Variants in POLN observed in about 807,000 individuals in gnomAD.
POLN encodes the protein DNA polymerase nu, also known as DNA polymerase N.
Under a neutral mutation model 113.5 loss-of-function variants are expected in POLN, and 108 were observed. The observed-to-expected ratio is 0.95, with a 90% CI of 0.81 to 1.12. The LOEUF is 1.12. Among genes scored for constraint, POLN ranks in the 50% most tolerant of loss-of-function variants. The probability of loss-of-function intolerance (pLI) is 0.00; values close to 1 mark genes in which losing one functional copy is unlikely to be tolerated. For missense variants in POLN, 1,097 were observed against 1,077.1 expected, an observed-to-expected ratio of 1.02 and a Z score of -0.26; for synonymous variants, 386 against 391.5, an observed-to-expected ratio of 0.99 and a Z score of 0.17.
chr4:2,095,856 C>T lies in POLN; in HGVS notation c.2060G>A (p.Gly687Glu). Residue 687 changes from glycine to glutamate, a missense_variant, in exon 20 of 26, where the codon GGA becomes GAA. Transcript: ENST00000511885. ...TKKVVYAVVYGAGKERLAACL... is the reference protein window; with the variant it reads ...TKKVVYAVVYEAGKERLAACL... ...GCTCCCGGCCCGCAGCCTACCTGCT[C>T]CATAGACCACCGCGTACACCACCTT... 6.2e-7 allele frequency: 1 copy of T among 1,613,982 alleles called. No homozygotes were observed. The highest frequency in any genetic ancestry group is 1.1e-5 in the South Asian group (1 of 91,060).
At chr4:2,107,429 T>A (rs1001627573) in intron 19 of POLN, among the ~76,000 whole-genome samples, 5 of 152,230 alleles carry the variant, frequency 3.3e-5, no homozygotes, top group Admixed American at 3.3e-4. Flanking sequence ...GTGATCTTGC[T>A]GTTGTTTGTT....
At chr4:2,222,695 CTTT>C (rs1314577025) in intron 3 of POLN, among the ~76,000 whole-genome samples, 1 of 129,380 alleles carries the variant, frequency 7.7e-6, no homozygotes. Context: ...CACCCACGGC[CTTT>C]TTTTTTTTTT....
chr4:2,079,619 C>T (rs2108688459), intron 23 of POLN: 2 of 984,994 alleles, frequency 2.0e-6, no homozygotes, highest in African/African-American at 3.5e-5. Context: ...CAGAGTCTTG[C>T]TCTCACCCAG....
At position 2,078,630 on chromosome 4, in the gene POLN, C is replaced by T. The variant is rs148672920; in HGVS notation, c.2387+2328G>A. 1.2e-5 allele frequency: 12 copies of T among 985,498 alleles called. No individual in the cohort carries two copies. The African/African-American group carries it at 2.1e-4, about 17-fold the overall frequency. 61.0% of individuals were successfully genotyped at this position (985,498 alleles called of 1,614,324 possible). A position where few individuals can be genotyped will look rare whatever the true frequency, so the allele number is the denominator to read the frequency against. ...GATGCCTGGCCACACTGAGCCTGCA[C>T]CCGTCCCTTCCAGACGCCATCCACA... On this transcript the variant is annotated intron_variant, in intron 23 of 25. Coordinates refer to ENST00000511885, the MANE Select transcript of POLN (RefSeq NM_181808.4).
intron 2 of POLN, chr4:2,230,912 T>C (rs1227236015): frequency 6.6e-6 from 1 of 152,226 alleles, no homozygotes; most frequent in African/African-American, 2.4e-5. Flanking sequence ...TAAATACAAT[T>C]AGACATTTTT....
intron 1 of POLN, 106 bp downstream of exon 1, chr4:2,241,945 C>T (rs962696279): frequency 5.1e-6 from 5 of 985,562 alleles, no homozygotes; most frequent in Non-Finnish European, 6.0e-6. Flanking sequence ...GGAAGGAGCC[C>T]CCAGGAGCGC....
intron 19 of POLN, among the ~76,000 whole-genome samples, chr4:2,101,487 G>A (rs953734711): frequency 2.0e-5 from 3 of 152,268 alleles, no homozygotes; most frequent in African/African-American, 4.8e-5. Context: ...CAGTACCGGA[G>A]GGGGTGATAA....
rs552833520 is a variant in POLN at position 2,157,626 on chromosome 4, G to C, written c.1665+232C>G. On this transcript the variant is annotated intron_variant, in intron 15 of 25. Coordinates refer to ENST00000511885, the MANE Select transcript of POLN (RefSeq NM_181808.4). The stretch of plus-strand genomic sequence containing the variant: ...TAATCCCAGCTACTTGGGAGGCTGA[G>C]GCATGAGAATTGCTTGGAGCCGGGA... 1.5e-3 allele frequency among the ~76,000 whole-genome samples: 223 copies of C among 150,380 alleles called. 1 individual carries two copies. The highest frequency in any genetic ancestry group is 5.0e-3 in the African/African-American group (204 of 41,064).
At chr4:2,116,153 C>T (rs1731312439) in intron 19 of POLN, among the ~76,000 whole-genome samples, 1 of 152,182 alleles carries the variant, frequency 6.6e-6, no homozygotes, top group South Asian at 2.1e-4. Context: ...CTACCCTGCC[C>T]CCAGCTTTGA....
At chr4:2,186,621 C>T (rs1271533361) in intron 7 of POLN, among the ~76,000 whole-genome samples, 2 of 152,178 alleles carry the variant, frequency 1.3e-5, no homozygotes, top group African/African-American at 4.8e-5. Context: ...CCAAAAATCT[C>T]TGAGCAAACA....
intron 16 of POLN, among the ~76,000 whole-genome samples, chr4:2,133,384 C>T (rs1334971795): frequency 1.3e-5 from 2 of 152,088 alleles, no homozygotes; most frequent in Admixed American, 6.6e-5. Context: ...ACTGCAGCCC[C>T]GTTCACAACA....
intron 5 of POLN, among the ~76,000 whole-genome samples, chr4:2,205,224 G>A (rs1733814373): frequency 6.6e-6 from 1 of 152,152 alleles, no homozygotes; most frequent in Non-Finnish European, 1.5e-5. Context: ...TAGAACTGAT[G>A]AAAGAATTCA....
In POLN at chr4:2,185,395, G is replaced by GC. The variant is rs538271301; in HGVS notation, c.1022-5931dup. 2.0e-5 allele frequency among the ~76,000 whole-genome samples: 3 copies of GC among 152,348 alleles called. No homozygotes were observed. In the South Asian group the frequency reaches 6.2e-4, roughly 32 times the overall value. On this transcript the variant is annotated intron_variant, in intron 7 of 25. Transcript: ENST00000511885. ...TGGTTTCTTGAACACCAAAACAACT[G>GC]CAAGAGTGTAAGACAGAGGAAGGGA...
chr4:2,197,784 G>C (rs1733618095), intron 6 of POLN, among the ~76,000 whole-genome samples: 1 of 152,198 alleles, frequency 6.6e-6, no homozygotes, highest in Admixed American at 6.5e-5. Context: ...TATGAAGCAT[G>C]GACAGGCTAG....
chr4:2,239,382 C>T (rs1734889660), intron 2 of POLN, among the ~76,000 whole-genome samples: 1 of 152,198 alleles, frequency 6.6e-6, no homozygotes, highest in Non-Finnish European at 1.5e-5. Flanking sequence ...GTTAAAATTA[C>T]TTCAATAGGT....
rs1029082837 is a variant in POLN, at chr4:2,190,947, A to G, written c.1021+2257T>C. On this transcript the variant is annotated intron_variant, in intron 7 of 25. Transcript: ENST00000511885. ...AGGAAAGTAAATTAGTACAGCCACT[A>G]TGGAAAACAGTACGTAGGTTCCTCA... Among the ~76,000 whole-genome samples, 7 of 152,340 alleles carry G rather than the reference A, an allele frequency of 4.6e-5. No individual in the cohort carries two copies. In the East Asian group the frequency reaches 5.8e-4, roughly 13 times the overall value.
At chr4:2,200,922 G>C (rs917611628) in intron 5 of POLN, among the ~76,000 whole-genome samples, 2 of 152,182 alleles carry the variant, frequency 1.3e-5, no homozygotes, top group African/African-American at 4.8e-5. Context: ...TAATCAGGGA[G>C]TCACCAGAGA....
At chr4:2,115,904 G>T (rs1280735911) in intron 19 of POLN, among the ~76,000 whole-genome samples, 24 of 152,190 alleles carry the variant, frequency 1.6e-4, no homozygotes, top group Admixed American at 1.6e-3. Flanking sequence ...AGGATTTCTT[G>T]GAGTTTTATA....
At chr4:2,167,141 C>A (rs558710345) in intron 13 of POLN, among the ~76,000 whole-genome samples, 4 of 152,140 alleles carry the variant, frequency 2.6e-5, no homozygotes, top group South Asian at 2.1e-4. Flanking sequence ...ACGGCTGTAT[C>A]CCACATACTG....
Sources: gnomAD v4.1 joint callset for allele counts (sites outside exome capture counted in the v4.1 genomes callset) on GRCh38, gnomAD v4.1.1 for gene constraint, MANE v1.5 for transcripts, NCBI Gene and HGNC (gene_info 2026-07-23, HGNC 2026-07-21) for gene names.